CNTNAP4: variants seen among roughly 807,000 people sequenced by gnomAD.
CNTNAP4 encodes contactin-associated protein-like 4.
A neutral mutation model predicts 148.4 loss-of-function variants in CNTNAP4; 98 were observed. The observed-to-expected ratio is 0.66, with a 90% CI of 0.56 to 0.78. The LOEUF (loss-of-function observed/expected upper bound fraction) is 0.78. CNTNAP4 is among the 30% of genes least tolerant of loss of function. CNTNAP4 has a pLI of 0.00. For missense variants in CNTNAP4, 1,935 were observed against 1,565.6 expected (o/e 1.24, Z -3.98); for synonymous variants, 730 against 565.1 (o/e 1.29, Z -4.14).
chr16:76,309,814 C>G (rs1960895992), intron 1 of CNTNAP4: 5 of 699,818 alleles, frequency 7.1e-6, no homozygotes, highest in South Asian at 3.0e-5. Context: ...GTCATGAGAT[C>G]TGATGGGTTG....
chr16:76,485,690 C>A (rs190336731), intron 12 of CNTNAP4, among the ~76,000 whole-genome samples: 4 of 152,120 alleles, frequency 2.6e-5, no homozygotes, highest in Non-Finnish European at 5.9e-5. Flanking sequence ...CCAGGTGATT[C>A]TGAGATAGGA....
At chr16:76,293,376 A>G (rs956036710) in intron 1 of CNTNAP4, among the ~76,000 whole-genome samples, 1 of 152,100 alleles carries the variant, frequency 6.6e-6, no homozygotes, top group African/African-American at 2.4e-5. Flanking sequence ...TTCACTATTC[A>G]CAAGCACCTT....
At chr16:76,283,925 G>C (rs1245580195) in intron 1 of CNTNAP4, among the ~76,000 whole-genome samples, 1 of 151,954 alleles carries the variant, frequency 6.6e-6, no homozygotes. Flanking sequence ...ACAGTAGGAA[G>C]AGTAAGAAAA....
At chr16:76,400,996 G>A (rs2078393830) in intron 3 of CNTNAP4, among the ~76,000 whole-genome samples, 2 of 152,102 alleles carry the variant, frequency 1.3e-5, no homozygotes, top group South Asian at 4.1e-4. Flanking sequence ...TGTTCCTTTG[G>A]ATTAGGATTG....
At chr16:76,302,187 A>G (rs548101947) in intron 1 of CNTNAP4, among the ~76,000 whole-genome samples, 3 of 152,276 alleles carry the variant, frequency 2.0e-5, no homozygotes, top group African/African-American at 7.2e-5. Context: ...CTTCATAGAA[A>G]AAGGAAAAAT....
rs770254043 is a variant in CNTNAP4, at chr16:76,467,404, T to C, written c.1536T>C (p.Phe512=). The stretch of plus-strand genomic sequence containing the variant: ...AATGTAAAAGTCCACTTGGTGGATT[T>C]CAGGGATGTATGAGGCTCATTTCTA... ...GSKCKSPLGG[F]QGCMRLISIS... is the part of the protein sequence containing the mutation. Residue 512 remains phenylalanine, a synonymous_variant, in exon 10 of 24, where the codon TTT becomes TTC. Transcript: ENST00000611870. 1 of 1,613,950 alleles carries C rather than the reference T, an allele frequency of 6.2e-7. No homozygotes were observed. The highest frequency in any genetic ancestry group is 8.5e-7 in the Non-Finnish European group (1 of 1,179,856).
At chr16:76,404,179 G>C (rs2078519007) in intron 3 of CNTNAP4, among the ~76,000 whole-genome samples, 1 of 151,198 alleles carries the variant, frequency 6.6e-6, no homozygotes, top group Non-Finnish European at 1.5e-5. Context: ...GAACTTAAAA[G>C]TTAAAAAAAT....
At chr16:76,441,016 GCT>G (rs1338721887) in intron 4 of CNTNAP4, among the ~76,000 whole-genome samples, 6 of 152,162 alleles carry the variant, frequency 3.9e-5, no homozygotes, top group Admixed American at 3.3e-4. Context: ...AAAGTTTGCT[GCT>G]CAAGAAGGTA....
chr16:76,537,736 C>G (rs548367399), intron 18 of CNTNAP4, among the ~76,000 whole-genome samples: 1 of 152,126 alleles, frequency 6.6e-6, no homozygotes, highest in South Asian at 2.1e-4. Context: ...ATAGGAGGCC[C>G]TAGACTTCCT....
In CNTNAP4 at chr16:76,324,967, G is replaced by A. The variant is rs72794951; in HGVS notation, c.196+8444G>A. 9.4e-3 allele frequency among the ~76,000 whole-genome samples: 1,428 copies of A among 152,284 alleles called. 6 individuals carry two copies. Among genetic ancestry groups the A allele is most frequent in the Non-Finnish European group, 0.015 (997 of 68,038 alleles). On this transcript the variant is annotated intron_variant, in intron 2 of 23. Transcript: ENST00000611870. ...TTGGGACACAAACATTCAGCCCATA[G>A]TAGTTAGCTACATTTCCAGAAACTA...
At chr16:76,522,870 C>T (rs1400494861) in intron 17 of CNTNAP4, among the ~76,000 whole-genome samples, 1 of 151,564 alleles carries the variant, frequency 6.6e-6, no homozygotes, top group Admixed American at 6.6e-5. Context: ...TCTAGCAATT[C>T]TCCTACCTCA....
intron 17 of CNTNAP4, among the ~76,000 whole-genome samples, chr16:76,533,565 CACA>C (rs1365376254): frequency 1.3e-5 from 2 of 151,964 alleles, no homozygotes; most frequent in African/African-American, 4.8e-5. Context: ...TCATGTATAT[CACA>C]ACATTATGTA....
At chr16:76,389,808 A>C (rs566237143) in intron 3 of CNTNAP4, among the ~76,000 whole-genome samples, 1 of 152,204 alleles carries the variant, frequency 6.6e-6, no homozygotes, top group South Asian at 2.1e-4. Flanking sequence ...ATAGTGGCCT[A>C]TTCTGTCCTC....
rs770680338 is a variant in CNTNAP4 at position 76,528,102 on chromosome 16, C to A, written c.2755+5845C>A. 8.6e-5 allele frequency among the ~76,000 whole-genome samples: 13 copies of A among 152,014 alleles called. 1 individual carries two copies. Among genetic ancestry groups the A allele is most frequent in the Admixed American group, 6.6e-5 (1 of 15,260 alleles). Reference sequence around the variant, plus strand: ...TATGAAATGTTAGAAATTTCAATAACATGGAAATATATTAATTTGAGATAC... The same window carrying A: ...TATGAAATGTTAGAAATTTCAATAAAATGGAAATATATTAATTTGAGATAC... On this transcript the variant is annotated intron_variant, in intron 17 of 23. Coordinates refer to ENST00000611870, the MANE Select transcript of CNTNAP4 (RefSeq NM_033401.5).
chr16:76,306,302 G>T (rs1009028894), intron 1 of CNTNAP4, among the ~76,000 whole-genome samples: 1 of 152,110 alleles, frequency 6.6e-6, no homozygotes, highest in Non-Finnish European at 1.5e-5. Context: ...GAAGCAGTTA[G>T]TTGGTTTTGA....
intron 12 of CNTNAP4, among the ~76,000 whole-genome samples, chr16:76,485,126 TC>T (rs2081981930): frequency 6.6e-6 from 1 of 152,326 alleles, no homozygotes; most frequent in African/African-American, 2.4e-5. Flanking sequence ...TTTCTTTTTT[TC>T]TTTTTTTGAG....
intron 17 of CNTNAP4, among the ~76,000 whole-genome samples, chr16:76,527,676 A>G (rs2083799770): frequency 1.3e-5 from 2 of 152,218 alleles, no homozygotes; most frequent in Admixed American, 6.5e-5. Flanking sequence ...TTAAACATAC[A>G]ACAGGAGGAC....
intron 2 of CNTNAP4, among the ~76,000 whole-genome samples, chr16:76,334,237 G>C (rs896754358): frequency 2.0e-5 from 3 of 151,706 alleles, no homozygotes; most frequent in African/African-American, 7.3e-5. Context: ...TAGTCTTTGA[G>C]GTTTATTTTT....
intron 17 of CNTNAP4, among the ~76,000 whole-genome samples, chr16:76,527,085 C>T (rs1196873559): frequency 1.3e-5 from 2 of 152,118 alleles, no homozygotes; most frequent in African/African-American, 2.4e-5. Context: ...ATACCACAAG[C>T]CATAAGCTTG....
Sources: allele counts gnomAD v4.1 joint callset (sites outside exome capture counted in the v4.1 genomes callset), GRCh38; gene constraint gnomAD v4.1.1; transcripts MANE v1.5; gene names NCBI Gene and HGNC (gene_info 2026-07-23, HGNC 2026-07-21).